The following MAOA variants were observed in gnomAD, a reference collection of about 807,000 sequenced individuals.
The protein encoded by MAOA is amine oxidase [flavin-containing] A.
MAOA carries 6 observed loss-of-function variants against 42.0 expected under a neutral mutation model. The observed-to-expected ratio is 0.14, with a 90% confidence interval of 0.08 to 0.28. MAOA has a LOEUF of 0.28. Ranked by LOEUF, MAOA falls within the 10% of genes least tolerant of loss-of-function variation. The pLI, the probability that MAOA is intolerant of heterozygous loss-of-function variation, is 1.00. For synonymous variants in MAOA, 140 were observed against 154.0 expected (o/e 0.91, Z 0.67); for missense variants, 262 against 422.3 (o/e 0.62, Z 3.33).
intron 1 of MAOA, among the ~76,000 whole-genome samples, chrX:43,667,009 G>GGAA (rs1555941994): frequency 1.0e-5 from 1 of 97,623 alleles, no homozygotes. Context: ...GGGGGGCGGG[G>GGAA]GGGATAGCAT....
At chrX:43,729,912 G>A (rs2033866782) in intron 6 of MAOA, among the ~76,000 whole-genome samples, 1 of 111,442 alleles carries the variant, frequency 9.0e-6, no homozygotes, top group African/African-American at 3.3e-5. Context: ...GGAATCTTCT[G>A]GCTGGGCGCG....
intron 3 of MAOA, among the ~76,000 whole-genome samples, chrX:43,702,415 TA>T (rs765944452): frequency 8.9e-6 from 1 of 112,358 alleles, no homozygotes; most frequent in South Asian, 3.7e-4. Context: ...AAAGCCTAGT[TA>T]ATTACTAACC....
chrX:43,733,955 A>T (rs1203141151), intron 9 of MAOA, among the ~76,000 whole-genome samples: 2 of 111,731 alleles, frequency 1.8e-5, no homozygotes, highest in Non-Finnish European at 3.8e-5. Flanking sequence ...AAGAGGATAT[A>T]GGTTGTTTGG....
chrX:43,676,768 A>T (rs1260264203), intron 1 of MAOA, among the ~76,000 whole-genome samples: 1 of 96,558 alleles, frequency 1.0e-5, no homozygotes, highest in African/African-American at 5.2e-5. Context: ...ACATACAAAA[A>T]ATGTGTGTGT....
chrX:43,688,612 C>T (rs2033508149), intron 2 of MAOA, among the ~76,000 whole-genome samples: 1 of 112,186 alleles, frequency 8.9e-6, no homozygotes. Flanking sequence ...TATAACCTAG[C>T]AAGCACATGG....
intron 1 of MAOA, among the ~76,000 whole-genome samples, chrX:43,663,928 A>G (rs1344027259): frequency 8.9e-6 from 1 of 111,947 alleles, no homozygotes; most frequent in African/African-American, 3.2e-5. Context: ...TGTCTCTTGG[A>G]AAATCTGATG....
intron 1 of MAOA, chrX:43,657,861 G>A (rs751909794): frequency 1.4e-6 from 1 of 737,652 alleles, no homozygotes; most frequent in South Asian, 7.0e-5. Flanking sequence ...ATCCTGAACA[G>A]GCCAAGAGAA....
chrX:43,726,405 G>A lies in MAOA; in HGVS notation c.504-1768G>A, dbSNP rs77677784. On this transcript the variant is annotated intron_variant, in intron 5 of 14. Transcript: ENST00000338702. ...CTTTTTTCTCTAATCTTGTCTTCTCGCTTTATTTCATTAAGTTGATCTTCA... is the reference window on the plus strand; with the variant it reads ...CTTTTTTCTCTAATCTTGTCTTCTCACTTTATTTCATTAAGTTGATCTTCA... Among the ~76,000 whole-genome samples the A allele has an allele frequency of 9.0e-5, 10 of 111,104 alleles. No individual in the cohort carries two copies. In the East Asian group the frequency reaches 2.3e-3, roughly 25 times the overall value.
rs140788999 is a variant in MAOA, at chrX:43,684,627, C to T, written c.168+1020C>T. Among the ~76,000 whole-genome samples, 282 of 111,393 alleles carry T rather than the reference C, an allele frequency of 2.5e-3. 2 individuals carry two copies. Among genetic ancestry groups the T allele is most frequent in the African/African-American group, 8.5e-3 (261 of 30,672 alleles). On this transcript the variant is annotated intron_variant, in intron 2 of 14. Transcript: ENST00000338702. ...ATTAATGAGCCCCTTTGCTAGAGTA[C>T]ACAAATAGAGTGTTAAAGACTAGGG...
intron 2 of MAOA, among the ~76,000 whole-genome samples, chrX:43,690,398 T>G (rs2033523377): frequency 8.9e-6 from 1 of 111,911 alleles, no homozygotes. Flanking sequence ...GATAATATTT[T>G]CAGTTTCTTT....
intron 1 of MAOA, among the ~76,000 whole-genome samples, chrX:43,674,645 G>A (rs2033374228): frequency 9.0e-6 from 1 of 111,218 alleles, no homozygotes; most frequent in East Asian, 2.8e-4. Context: ...AGGCCTGGTG[G>A]TGACAAAATC....
intron 3 of MAOA, among the ~76,000 whole-genome samples, chrX:43,693,838 TGAGCAACCTAGG>T: frequency 9.0e-6 from 1 of 110,990 alleles, no homozygotes; most frequent in Non-Finnish European, 1.9e-5. Flanking sequence ...AGGCAATCCC[TGAGCAACCTAGG>T]GAGCAACCCT....
chrX:43,683,633 A>AC, intron 2 of MAOA, 26 bp downstream of exon 2: 2 of 1,073,306 alleles, frequency 1.9e-6, no homozygotes, highest in Non-Finnish European at 2.6e-6. Flanking sequence ...ACTTACATGT[A>AC]ATGTAATATC....
intron 2 of MAOA, 45 bp from the exon 3 acceptor site, chrX:43,693,246 C>T (rs1314434200): frequency 8.5e-7 from 1 of 1,182,126 alleles, no homozygotes. Context: ...ACCTTTTTTC[C>T]AAGTTTTAAC....
intron 1 of MAOA, among the ~76,000 whole-genome samples, chrX:43,672,630 T>A (rs2033347840): frequency 8.9e-6 from 1 of 111,959 alleles, no homozygotes; most frequent in African/African-American, 3.2e-5. Context: ...CAATACCTAA[T>A]TTATTGAGAG....
intron 1 of MAOA, among the ~76,000 whole-genome samples, chrX:43,673,342 T>G (rs1341817361): frequency 9.0e-6 from 1 of 110,851 alleles, no homozygotes; most frequent in Non-Finnish European, 1.9e-5. Context: ...TTTTCTTTAT[T>G]AGCCTTGCTA....
At chrX:43,676,332 C>T (rs1220999364) in intron 1 of MAOA, among the ~76,000 whole-genome samples, 3 of 111,841 alleles carry the variant, frequency 2.7e-5, no homozygotes, top group Non-Finnish European at 1.9e-5. Context: ...ACCCGATTTT[C>T]CAGGTGCCGT....
intron 1 of MAOA, among the ~76,000 whole-genome samples, chrX:43,657,557 T>C (rs1053577782): frequency 7.2e-5 from 8 of 110,858 alleles, no homozygotes; most frequent in Admixed American, 2.9e-4. Context: ...CTCATCATGA[T>C]TGATATATTG....
At chrX:43,740,615 A>G (rs2033952676) in intron 10 of MAOA, 66 bp from the exon 11 acceptor site, 1 of 940,112 alleles carries the variant, frequency 1.1e-6, no homozygotes, top group Non-Finnish European at 1.5e-6. Flanking sequence ...CACTGTATTT[A>G]TTCTATACCC....
Sources: allele counts gnomAD v4.1 joint callset (sites outside exome capture counted in the v4.1 genomes callset), GRCh38; gene constraint gnomAD v4.1.1; transcripts MANE v1.5; gene names NCBI Gene and HGNC (gene_info 2026-07-23, HGNC 2026-07-21).